Variants in CPNE4 observed in about 807,000 individuals in gnomAD.
The protein encoded by CPNE4 is copine-4.
Under a neutral mutation model 67.9 loss-of-function variants are expected in CPNE4, and 25 were observed. The ratio of observed to expected loss-of-function variants is 0.37; its 90% CI spans 0.27 to 0.51. The LOEUF is 0.51. CPNE4 is among the 20% of genes least tolerant of loss of function. The pLI is 0.93. For synonymous variants in CPNE4, 242 were observed against 244.9 expected (o/e 0.99, Z 0.11); for missense variants, 464 against 690.8 (o/e 0.67, Z 3.68).
At chr3:132,000,639 C>A (rs181405815) in intron 1 of CPNE4, among the ~76,000 whole-genome samples, 40 of 151,630 alleles carry the variant, frequency 2.6e-4, no homozygotes, top group Admixed American at 6.6e-4. Flanking sequence ...GAAGAAAATT[C>A]TTGGGTAAAA....
intron 7 of CPNE4, among the ~76,000 whole-genome samples, chr3:131,659,134 A>C (rs2080057850): frequency 6.6e-6 from 1 of 152,240 alleles, no homozygotes; most frequent in Non-Finnish European, 1.5e-5. Flanking sequence ...CATATTAAAA[A>C]TATTTTAAAC....
Position 132,034,759 on chromosome 3 carries a change from G to A in CPNE4, c.-194C>T. The A allele has an allele frequency of 1.0e-6, 1 of 985,310 alleles. No homozygotes were observed. Among genetic ancestry groups the A allele is most frequent in the Non-Finnish European group, 1.2e-6 (1 of 830,028 alleles). The allele number at this position is 985,310 out of a possible 1,614,324, so 61.0% of individuals were successfully genotyped here. ...TTTAGCAACAGCGGCTGGGAAAGGT[G>A]CTGAGAGCAGAGTTCGGTCTCTCCG... On this transcript the variant is annotated 5_prime_UTR_variant, in exon 1 of 16. Transcript: ENST00000429747.
intron 1 of CPNE4, among the ~76,000 whole-genome samples, chr3:131,977,213 C>G (rs971864473): frequency 1.3e-5 from 2 of 152,166 alleles, no homozygotes; most frequent in African/African-American, 4.8e-5. Context: ...CAACAATATT[C>G]AAGCATCTTG....
At chr3:131,895,944 G>A (rs1057128693) in intron 2 of CPNE4, among the ~76,000 whole-genome samples, 3 of 151,974 alleles carry the variant, frequency 2.0e-5, no homozygotes, top group East Asian at 1.9e-4. Context: ...TCTAATCCCC[G>A]GCCAGGGGAT....
chr3:132,017,277 A>AGGGAGGAGTGAGAGAAGAT (rs2107684347), intron 1 of CPNE4, among the ~76,000 whole-genome samples: 1 of 152,164 alleles, frequency 6.6e-6, no homozygotes, highest in African/African-American at 2.4e-5. Flanking sequence ...GGAGACGAGA[A>AGGGAGGAGTGAGAGAAGAT]GGGAGGAGTG....
chr3:131,671,714 A>G (rs984138769), intron 6 of CPNE4, among the ~76,000 whole-genome samples: 1 of 152,180 alleles, frequency 6.6e-6, no homozygotes, highest in Non-Finnish European at 1.5e-5. Flanking sequence ...TGCTCTCAGG[A>G]GCAGAGGAGA....
chr3:131,766,563 A>G (rs1259731339), intron 2 of CPNE4, among the ~76,000 whole-genome samples: 1 of 152,140 alleles, frequency 6.6e-6, no homozygotes, highest in African/African-American at 2.4e-5. Context: ...GATGGGCACA[A>G]TTGGCTCCCA....
At chr3:131,844,292 G>A (rs1464828590) in intron 2 of CPNE4, among the ~76,000 whole-genome samples, 7 of 141,478 alleles carry the variant, frequency 4.9e-5, no homozygotes, top group South Asian at 2.2e-4. Flanking sequence ...ATGGAGTCTC[G>A]CTCCGTCACC....
intron 7 of CPNE4, among the ~76,000 whole-genome samples, chr3:131,591,335 G>A (rs116230507): frequency 0.024 from 3,581 of 152,318 alleles, 81 homozygotes; most frequent in Non-Finnish European, 0.035. Flanking sequence ...TAGAAGAAAA[G>A]AAGTGGGAGC....
chr3:131,701,946 A>G (rs2081312646), intron 3 of CPNE4, among the ~76,000 whole-genome samples: 1 of 152,166 alleles, frequency 6.6e-6, no homozygotes, highest in Non-Finnish European at 1.5e-5. Flanking sequence ...TTATTCACAG[A>G]AAGACAGGAA....
intron 2 of CPNE4, among the ~76,000 whole-genome samples, chr3:131,760,214 A>C (rs1453021404): frequency 6.6e-6 from 1 of 152,186 alleles, no homozygotes; most frequent in East Asian, 1.9e-4. Context: ...TGCCTAAGTT[A>C]TATCTGTAGG....
intron 8 of CPNE4, among the ~76,000 whole-genome samples, chr3:131,586,543 G>C (rs1427925828): frequency 1.3e-5 from 2 of 152,134 alleles, no homozygotes. Flanking sequence ...TTTGTTGAGG[G>C]CTACCTCCTG....
chr3:131,553,244 C>T (rs1418110279), intron 12 of CPNE4, among the ~76,000 whole-genome samples: 1 of 152,054 alleles, frequency 6.6e-6, no homozygotes. Flanking sequence ...TATTTCCAAG[C>T]TCTGACTCTT....
At chr3:131,550,737 A>G (rs974468861) in intron 13 of CPNE4, among the ~76,000 whole-genome samples, 5 of 152,088 alleles carry the variant, frequency 3.3e-5, no homozygotes, top group Admixed American at 2.0e-4. Context: ...GAATGAGCAA[A>G]GTGGCTGATA....
At position 131,792,706 on chromosome 3, in the gene CPNE4, C is replaced by CGTGTATATATAT. The variant is rs1167463554; in HGVS notation, c.181-69082_181-69081insATATATATACAC. ...ACACGTGTATATATACATATACACA[C>CGTGTATATATAT]ACGTGTATATATGTATATATATACA... On this transcript the variant is annotated intron_variant, in intron 2 of 15. Transcript: ENST00000429747. Among the ~76,000 whole-genome samples the CGTGTATATATAT allele has an allele frequency of 7.5e-4, 61 of 81,272 alleles. 3 individuals are homozygous for CGTGTATATATAT. In the Middle Eastern group the frequency reaches 0.026, roughly 35 times the overall value. 53.3% of individuals were successfully genotyped at this position (81,272 alleles called of 152,430 possible).
At position 131,555,700 on chromosome 3, in the gene CPNE4, G is replaced by A. The variant is rs1936423186; in HGVS notation, c.1062-149C>T. 4.5e-6 allele frequency: 3 copies of A among 669,672 alleles called. No individual in the cohort carries two copies. In the African/African-American group the frequency reaches 5.4e-5, roughly 12 times the overall value. The allele number at this position is 669,672 out of a possible 1,614,324, so 41.5% of individuals were successfully genotyped here. On this transcript the variant is annotated intron_variant, in intron 11 of 15. Coordinates refer to ENST00000429747, the MANE Select transcript of CPNE4 (RefSeq NM_130808.3). ...ATGCTTCTTGATTGTCTGTGGTGAT[G>A]GGGGTAGCAATAGCATGGATAATTA...
At chr3:131,798,092 T>C (rs2083969557) in intron 2 of CPNE4, among the ~76,000 whole-genome samples, 1 of 152,214 alleles carries the variant, frequency 6.6e-6, no homozygotes. Context: ...CCCACCCTTA[T>C]GACCTCCTTT....
At chr3:131,978,925 T>C (rs868536427) in intron 1 of CPNE4, among the ~76,000 whole-genome samples, 1 of 152,198 alleles carries the variant, frequency 6.6e-6, no homozygotes, top group African/African-American at 2.4e-5. Flanking sequence ...TTTTTTAGTT[T>C]TCATCTTAAT....
At chr3:131,893,664 T>C (rs574725151) in intron 2 of CPNE4, among the ~76,000 whole-genome samples, 1 of 152,022 alleles carries the variant, frequency 6.6e-6, no homozygotes, top group African/African-American at 2.4e-5. Context: ...AAGAAAAGCT[T>C]CAGAAACTGT....
Sources: allele counts gnomAD v4.1 joint callset (sites outside exome capture counted in the v4.1 genomes callset), GRCh38; gene constraint gnomAD v4.1.1; transcripts MANE v1.5; gene names NCBI Gene and HGNC (gene_info 2026-07-23, HGNC 2026-07-21).